MACROD2: variants seen among roughly 807,000 people sequenced by gnomAD.
The protein encoded by MACROD2 is ADP-ribose glycohydrolase MACROD2.
MACROD2 carries 36 observed loss-of-function variants against 70.4 expected under a neutral mutation model. The ratio of observed to expected loss-of-function variants is 0.51; its 90% CI spans 0.39 to 0.68. MACROD2 has a LOEUF of 0.68. MACROD2 is among the 30% of genes least tolerant of loss of function. The pLI is 0.00. For synonymous variants in MACROD2, 172 were observed against 178.8 expected (o/e 0.96, Z 0.30); for missense variants, 496 against 538.4 (o/e 0.92, Z 0.78).
chr20:15,539,037 G>C (rs776516866), intron 8 of MACROD2, among the ~76,000 whole-genome samples: 7 of 152,032 alleles, frequency 4.6e-5, no homozygotes, highest in Non-Finnish European at 8.8e-5. Flanking sequence ...ATATACTTTA[G>C]TCACTTAAAA....
chr20:15,066,893 A>T (rs1310446332), intron 5 of MACROD2, among the ~76,000 whole-genome samples: 1 of 152,140 alleles, frequency 6.6e-6, no homozygotes, highest in East Asian at 1.9e-4. Context: ...AAAAAAAAAA[A>T]AAAAGGAATA....
chr20:14,816,652 T>C (rs1438861110), intron 5 of MACROD2, among the ~76,000 whole-genome samples: 1 of 152,018 alleles, frequency 6.6e-6, no homozygotes, highest in East Asian at 1.9e-4. Context: ...CATTTAAGTG[T>C]TCCCTTTTTT....
intron 5 of MACROD2, among the ~76,000 whole-genome samples, chr20:15,188,592 G>C (rs934231451): frequency 2.0e-5 from 3 of 152,102 alleles, no homozygotes; most frequent in African/African-American, 7.2e-5. Context: ...TTTTCTCATT[G>C]TAAGCCCAGG....
intron 7 of MACROD2, among the ~76,000 whole-genome samples, chr20:15,455,122 C>T (rs2046706128): frequency 6.6e-6 from 1 of 152,164 alleles, no homozygotes; most frequent in African/African-American, 2.4e-5. Context: ...AGAATTACAT[C>T]CTACCAATGT....
intron 3 of MACROD2, among the ~76,000 whole-genome samples, chr20:14,423,496 G>A (rs1004804096): frequency 2.0e-5 from 3 of 151,470 alleles, no homozygotes; most frequent in Admixed American, 6.6e-5. Flanking sequence ...TCAGGAGATC[G>A]AGACCACCCT....
intron 15 of MACROD2, among the ~76,000 whole-genome samples, chr20:15,998,481 A>G (rs974046761): frequency 6.6e-6 from 1 of 151,856 alleles, no homozygotes; most frequent in African/African-American, 2.4e-5. Flanking sequence ...TGTTCATAGC[A>G]GTCTCTTATG....
chr20:14,336,661 T>A (rs1379269899), intron 3 of MACROD2, among the ~76,000 whole-genome samples: 1 of 152,190 alleles, frequency 6.6e-6, no homozygotes, highest in Non-Finnish European at 1.5e-5. Context: ...GCTTCCAGGG[T>A]GAGCTTTGTT....
At chr20:15,772,097 A>ATATAT (rs1305604286) in intron 8 of MACROD2, among the ~76,000 whole-genome samples, 84 of 93,358 alleles carry the variant, frequency 9.0e-4, no homozygotes, top group South Asian at 5.1e-3. Context: ...AAAAAAAAAA[A>ATATAT]AAAAATATAT....
intron 3 of MACROD2, among the ~76,000 whole-genome samples, chr20:14,346,303 G>T (rs2083064015): frequency 1.3e-5 from 2 of 152,058 alleles, no homozygotes; most frequent in Non-Finnish European, 2.9e-5. Context: ...TGAATGTAGT[G>T]TTTCTATTTT....
intron 8 of MACROD2, among the ~76,000 whole-genome samples, chr20:15,840,959 T>A (rs2064163840): frequency 6.6e-6 from 1 of 152,200 alleles, no homozygotes; most frequent in Non-Finnish European, 1.5e-5. Flanking sequence ...TTCTGAAGGC[T>A]GTTGAAATTT....
intron 5 of MACROD2, among the ~76,000 whole-genome samples, chr20:15,108,709 T>C (rs2075931038): frequency 6.6e-6 from 1 of 152,210 alleles, no homozygotes; most frequent in Admixed American, 6.5e-5. Context: ...AGAATTTTTT[T>C]GAAGCACAAT....
intron 15 of MACROD2, among the ~76,000 whole-genome samples, chr20:15,994,440 A>G (rs559583148): frequency 6.6e-6 from 1 of 152,366 alleles, no homozygotes; most frequent in South Asian, 2.1e-4. Flanking sequence ...ACGTTTTCAT[A>G]TATCACTCTT....
At chr20:14,021,682 A>G (rs529530184) in intron 2 of MACROD2, among the ~76,000 whole-genome samples, 35 of 152,214 alleles carry the variant, frequency 2.3e-4, no homozygotes, top group Admixed American at 2.2e-3. Flanking sequence ...AACTGTGTTA[A>G]GTTTGGCTAG....
chr20:15,157,736 G>C (rs1370331684), intron 5 of MACROD2, among the ~76,000 whole-genome samples: 2 of 152,136 alleles, frequency 1.3e-5, no homozygotes, highest in Non-Finnish European at 2.9e-5. Flanking sequence ...GTGGGCACTG[G>C]CAGGAAATCT....
intron 5 of MACROD2, among the ~76,000 whole-genome samples, chr20:14,702,211 ACT>A (rs1383406802): frequency 9.9e-5 from 15 of 152,118 alleles, no homozygotes; most frequent in African/African-American, 3.6e-4. Context: ...AAATAACAGT[ACT>A]CATGCATTAC....
intron 3 of MACROD2, among the ~76,000 whole-genome samples, chr20:14,195,817 T>C (rs1215038500): frequency 6.6e-6 from 1 of 152,216 alleles, no homozygotes; most frequent in Non-Finnish European, 1.5e-5. Flanking sequence ...CCCCATCTGC[T>C]GAGAGCTACT....
intron 5 of MACROD2, among the ~76,000 whole-genome samples, chr20:15,046,303 A>T (rs576471108): frequency 6.6e-6 from 1 of 152,348 alleles, no homozygotes; most frequent in Admixed American, 6.5e-5. Flanking sequence ...TTCTAAAGCT[A>T]TAACTCTTAC....
intron 6 of MACROD2, among the ~76,000 whole-genome samples, chr20:15,302,387 C>CACACACACACACACAAGACAT (rs6147301): frequency 1.3e-5 from 2 of 150,452 alleles, no homozygotes; most frequent in Non-Finnish European, 3.0e-5. Flanking sequence ...CACACATACA[C>CACACACACACACACAAGACAT]ACATACAGAT....
At chr20:15,280,434 A>G (rs564797221) in intron 6 of MACROD2, among the ~76,000 whole-genome samples, 23 of 152,206 alleles carry the variant, frequency 1.5e-4, no homozygotes, top group African/African-American at 5.3e-4. Flanking sequence ...ATGATTTTTT[A>G]TTTATTTCCC....
Sources: allele counts gnomAD v4.1 joint callset (sites outside exome capture counted in the v4.1 genomes callset), GRCh38; gene constraint gnomAD v4.1.1; transcripts MANE v1.5; gene names NCBI Gene and HGNC (gene_info 2026-07-23, HGNC 2026-07-21).